Variants in MED13 observed in about 807,000 individuals in gnomAD.
MED13 encodes mediator of RNA polymerase II transcription subunit 13.
MED13 carries 23 observed loss-of-function variants against 225.2 expected under a neutral mutation model. The ratio of observed to expected loss-of-function variants is 0.10; its 90% confidence interval spans 0.07 to 0.14. MED13 has a LOEUF of 0.14. Ranked by LOEUF, MED13 falls within the 10% of genes least tolerant of loss-of-function variation. The pLI, the probability that MED13 is intolerant of heterozygous loss-of-function variation, is 1.00. For synonymous variants in MED13, 942 were observed against 889.2 expected (o/e 1.06, Z -1.06); for missense variants, 2,197 against 2,594.5 (o/e 0.85, Z 3.33).
At chr17:62,003,106 A>G (rs905819578) in intron 9 of MED13, among the ~76,000 whole-genome samples, 1 of 152,196 alleles carries the variant, frequency 6.6e-6, no homozygotes, top group Non-Finnish European at 1.5e-5. Context: ...GAAATACTAC[A>G]CAGAACAATA....
intron 28 of MED13, among the ~76,000 whole-genome samples, chr17:61,949,519 G>A (rs1235898331): frequency 7.2e-5 from 11 of 152,048 alleles, no homozygotes; most frequent in African/African-American, 2.7e-4. Context: ...GAATCGCTGT[G>A]CCCAGCCTGA....
intron 22 of MED13, 120 bp from the exon 23 acceptor site, chr17:61,961,210 A>T (rs1464110351): frequency 1.2e-5 from 11 of 915,140 alleles, no homozygotes; most frequent in Non-Finnish European, 9.7e-6. Flanking sequence ...CTAAGCCAAA[A>T]ATTGCACTTA....
chr17:61,959,545 A>G (rs773260773), intron 23 of MED13, among the ~76,000 whole-genome samples: 8 of 152,224 alleles, frequency 5.3e-5, no homozygotes, highest in Admixed American at 2.0e-4. Context: ...TTTATAATAT[A>G]AAGCTTAACA....
chr17:61,969,924 A>T (rs2080092358), intron 17 of MED13, among the ~76,000 whole-genome samples: 1 of 152,140 alleles, frequency 6.6e-6, no homozygotes, highest in African/African-American at 2.4e-5. Flanking sequence ...ATAATAAAAA[A>T]ATTTTTAAAA....
intron 16 of MED13, among the ~76,000 whole-genome samples, chr17:61,980,144 A>T (rs58335059): frequency 6.6e-6 from 1 of 151,922 alleles, no homozygotes; most frequent in Non-Finnish European, 1.5e-5. Flanking sequence ...GGCCGAGATC[A>T]CGCCACTGCA....
At chr17:62,038,847 A>G (rs2080828720) in intron 3 of MED13, among the ~76,000 whole-genome samples, 1 of 151,490 alleles carries the variant, frequency 6.6e-6, no homozygotes, top group African/African-American at 2.4e-5. Flanking sequence ...TTTTCCCCCT[A>G]GGGATGGCAG....
intron 11 of MED13, among the ~76,000 whole-genome samples, chr17:61,989,239 T>C (rs577414854): frequency 1.3e-5 from 2 of 152,282 alleles, no homozygotes; most frequent in South Asian, 4.1e-4. Context: ...CTCAATCTCC[T>C]GACCTCATGA....
chr17:61,982,809 A>G lies in MED13; in HGVS notation c.3194T>C (p.Ile1065Thr), dbSNP rs2080216143. 1 of 1,614,076 alleles carries G rather than the reference A, an allele frequency of 6.2e-7. No individual in the cohort carries two copies. Among genetic ancestry groups the G allele is most frequent in the African/African-American group, 1.3e-5 (1 of 74,912 alleles). Reference protein sequence around the residue: ...NSVEPATVPSIPEAHSLYVNL... With the variant: ...NSVEPATVPSTPEAHSLYVNL... ...TACATAAAGACTGTGTGCTTCAGGGATGGAAGGGACAGTTGCAGGTTCAAC... is the reference window on the plus strand; with the variant it reads ...TACATAAAGACTGTGTGCTTCAGGGGTGGAAGGGACAGTTGCAGGTTCAAC... The change falls in exon 16 of 30, where the codon ATC (isoleucine) becomes ACC (threonine). Residue 1065 changes from isoleucine to threonine, a missense_variant. Coordinates refer to ENST00000397786, the MANE Select transcript of MED13 (RefSeq NM_005121.3).
At chr17:62,049,975 G>T (rs867459511) in intron 3 of MED13, among the ~76,000 whole-genome samples, 5 of 150,660 alleles carry the variant, frequency 3.3e-5, no homozygotes, top group African/African-American at 1.2e-4. Flanking sequence ...AATATACTAT[G>T]GCTCAGTTAC....
intron 8 of MED13, among the ~76,000 whole-genome samples, chr17:62,013,864 C>A (rs895479959): frequency 6.6e-6 from 1 of 152,050 alleles, no homozygotes; most frequent in African/African-American, 2.4e-5. Context: ...CATGGTGAAA[C>A]CCCGTCTCCA....
intron 17 of MED13, 54 bp downstream of exon 17, chr17:61,972,672 GA>G: frequency 6.9e-7 from 1 of 1,440,388 alleles, no homozygotes. Flanking sequence ...GTTGGGCACA[GA>G]AATCTGAGGA....
intron 23 of MED13, among the ~76,000 whole-genome samples, chr17:61,960,384 C>T (rs533948008): frequency 5.3e-4 from 81 of 152,120 alleles, no homozygotes; most frequent in African/African-American, 1.8e-3. Context: ...GATTCTCCTG[C>T]CTCAGCCTCC....
chr17:61,991,912 C>T (rs1390240706), intron 11 of MED13, among the ~76,000 whole-genome samples: 3 of 152,164 alleles, frequency 2.0e-5, no homozygotes, highest in African/African-American at 2.4e-5. Flanking sequence ...TCCCAAAGTG[C>T]TGGGATTACG....
Position 61,968,275 on chromosome 17 carries a change from T to C in MED13, c.3968-17A>G, listed in dbSNP as rs762091190. 1.3e-6 allele frequency: 2 copies of C among 1,550,102 alleles called. No individual in the cohort carries two copies. The highest frequency in any genetic ancestry group is 1.8e-6 in the Non-Finnish European group (2 of 1,140,036). ...CATCAGTTCCTAAATAAGAAAGATG[T>C]ATTTTAAGAAAACACTTAAAAACAA... is the stretch of plus-strand genomic sequence containing the variant. On this transcript the variant is annotated splice_polypyrimidine_tract_variant and intron_variant, in intron 17 of 29. Coordinates refer to ENST00000397786, the MANE Select transcript of MED13 (RefSeq NM_005121.3).
chr17:62,032,398 C>T (rs2080765296), intron 5 of MED13: 2 of 149,366 alleles, frequency 1.3e-5, no homozygotes, highest in South Asian at 2.1e-4. Flanking sequence ...TGCTTGAGCC[C>T]GGGAGGTGGA....
At chr17:62,029,413 T>G in intron 8 of MED13, 128 bp downstream of exon 8, 1 of 631,088 alleles carries the variant, frequency 1.6e-6, no homozygotes, top group Non-Finnish European at 2.7e-6. Flanking sequence ...ATATTTTTCC[T>G]GAATTTTCTT....
At chr17:62,052,354 T>C (rs2080963868) in intron 3 of MED13, among the ~76,000 whole-genome samples, 183 bp downstream of exon 3, 2 of 151,328 alleles carry the variant, frequency 1.3e-5, no homozygotes, top group African/African-American at 4.9e-5. Context: ...ATGCTTAAAG[T>C]GTATAAAGGG....
intron 8 of MED13, among the ~76,000 whole-genome samples, chr17:62,028,508 A>G (rs2080723791): frequency 2.6e-5 from 4 of 152,068 alleles, no homozygotes; most frequent in African/African-American, 9.7e-5. Flanking sequence ...GACTTTACCT[A>G]TTTCACAAAC....
chr17:61,953,405 C>T (rs1471597421), intron 26 of MED13, among the ~76,000 whole-genome samples: 1 of 152,096 alleles, frequency 6.6e-6, no homozygotes, highest in Non-Finnish European at 1.5e-5. Flanking sequence ...AGCTAAGGAT[C>T]TTGAGATGGG....
Sources: gnomAD v4.1 joint callset for allele counts (sites outside exome capture counted in the v4.1 genomes callset) on GRCh38, gnomAD v4.1.1 for gene constraint, MANE v1.5 for transcripts, NCBI Gene and HGNC (gene_info 2026-07-23, HGNC 2026-07-21) for gene names.